Variants in KDM4B observed in about 807,000 individuals in gnomAD.
The protein encoded by KDM4B is lysine-specific demethylase 4B.
In KDM4B, 32 loss-of-function variants were observed where a neutral mutation model predicts 125.2. The ratio of observed to expected loss-of-function variants is 0.26; its 90% CI spans 0.19 to 0.34. The LOEUF (loss-of-function observed/expected upper bound fraction) is 0.34, where lower values mean the gene tolerates loss of function less well. Among genes scored for constraint, KDM4B ranks in the 10% least tolerant of loss-of-function variants. The probability of loss-of-function intolerance (pLI) is 1.00; values close to 1 mark genes in which losing one functional copy is unlikely to be tolerated. For synonymous variants in KDM4B, 721 were observed against 677.9 expected (o/e 1.06, Z -0.99); for missense variants, 1,190 against 1,577.7 (o/e 0.75, Z 4.16).
At chr19:5,137,841 A>G (rs767183947) in intron 17 of KDM4B, 121 bp from the exon 18 acceptor site, 204 of 1,048,980 alleles carry the variant, frequency 1.9e-4, no homozygotes, top group Non-Finnish European at 2.5e-4. Flanking sequence ...ATACGCCTGC[A>G]CCGACCTTCC....
chr19:5,031,548 T>TG (rs2036458717), intron 2 of KDM4B, among the ~76,000 whole-genome samples: 1 of 152,120 alleles, frequency 6.6e-6, no homozygotes, highest in African/African-American at 2.4e-5. Flanking sequence ...TCAAACCCAG[T>TG]GGGGGTCTCT....
intron 9 of KDM4B, among the ~76,000 whole-genome samples, chr19:5,103,866 C>A (rs1457393359): frequency 6.6e-6 from 1 of 152,252 alleles, no homozygotes; most frequent in Non-Finnish European, 1.5e-5. Flanking sequence ...CCCCACCCTG[C>A]CTTGGTCCTT....
chr19:5,068,408 C>T (rs954396253), intron 6 of KDM4B, among the ~76,000 whole-genome samples: 3 of 152,182 alleles, frequency 2.0e-5, no homozygotes, highest in Admixed American at 6.5e-5. Flanking sequence ...AAGCAGGCCC[C>T]GAGGCTACCT....
intron 21 of KDM4B, among the ~76,000 whole-genome samples, chr19:5,148,629 C>G (rs371993553): frequency 6.6e-6 from 1 of 152,144 alleles, no homozygotes; most frequent in East Asian, 1.9e-4. Context: ...AGTGGGAGCT[C>G]TAAAACCCGC....
chr19:5,042,548 A>C lies in KDM4B; in HGVS notation c.432+1297A>C, dbSNP rs551569856. Among the ~76,000 whole-genome samples the C allele has an allele frequency of 2.3e-3, 353 of 152,240 alleles. 1 individual carries two copies. The highest frequency in any genetic ancestry group is 0.01 in the Middle Eastern group (3 of 294). ...ACAAACACCTGAGACTGGGTAGTGA[A>C]TAAAGAAAAGGTTTAATTGGTTCAC... On this transcript the variant is annotated intron_variant, in intron 5 of 22. Coordinates refer to ENST00000159111, the MANE Select transcript of KDM4B (RefSeq NM_015015.3).
rs2039951897 is a variant in KDM4B, at chr19:5,151,693, AG to A, written c.*183del. 2.2e-6 allele frequency: 1 copy of A among 462,714 alleles called. No individual in the cohort carries two copies. Among genetic ancestry groups the A allele is most frequent in the Admixed American group, 4.4e-5 (1 of 22,654 alleles). 28.7% of individuals were successfully genotyped at this position (462,714 alleles called of 1,614,324 possible). A position where few individuals can be genotyped will look rare whatever the true frequency, so the allele number is the denominator to read the frequency against. ...GCCGCACGCGGCCCCAGACTCAGGG[AG>A]CAGGGCCAGGCGGGCTCGGGGGCCG... On this transcript the variant is annotated 3_prime_UTR_variant, in exon 23 of 23. Coordinates refer to ENST00000159111, the MANE Select transcript of KDM4B (RefSeq NM_015015.3).
Position 5,031,584 on chromosome 19 carries a change from A to G in KDM4B, c.-25-1282A>G, listed in dbSNP as rs140164170. The stretch of plus-strand genomic sequence containing the variant: ...CAGCAGCAGCCCAGCGCGGGGTGTG[A>G]CGTCAGGGCTGGGGCTCAGCGCTGG... On this transcript the variant is annotated intron_variant, in intron 2 of 22. Transcript: ENST00000159111. Among the ~76,000 whole-genome samples, 145 of 152,292 alleles carry G rather than the reference A, an allele frequency of 9.5e-4. 1 individual carries two copies. The highest frequency in any genetic ancestry group is 3.0e-3 in the African/African-American group (125 of 41,574).
intron 6 of KDM4B, among the ~76,000 whole-genome samples, chr19:5,048,209 C>T (rs929200848): frequency 1.3e-5 from 2 of 152,206 alleles, no homozygotes; most frequent in Non-Finnish European, 2.9e-5. Context: ...CCGGGTGCAG[C>T]GTGGGCGCTG....
At position 4,996,784 on chromosome 19, in the gene KDM4B, G is replaced by T. The variant is rs982191483; in HGVS notation, c.-108-19473G>T. Among the ~76,000 whole-genome samples the T allele has an allele frequency of 2.6e-5, 4 of 151,804 alleles. No individual in the cohort carries two copies. The South Asian group carries it at 8.3e-4, about 32-fold the overall frequency. On this transcript the variant is annotated intron_variant, in intron 1 of 22. Coordinates refer to ENST00000159111, the MANE Select transcript of KDM4B (RefSeq NM_015015.3). ...CTTTGCCTGCTTGTTGATTTGGTATGTTTTTTTTCTTGACTTAAAAACAAA... is the reference window on the plus strand; with the variant it reads ...CTTTGCCTGCTTGTTGATTTGGTATTTTTTTTTTCTTGACTTAAAAACAAA...
chr19:5,051,705 G>C (rs1306473896), intron 6 of KDM4B, among the ~76,000 whole-genome samples: 1 of 152,230 alleles, frequency 6.6e-6, no homozygotes, highest in Non-Finnish European at 1.5e-5. Flanking sequence ...AGCTCCGCTT[G>C]TCAGAAGGGG....
intron 4 of KDM4B, 30 bp from the exon 5 acceptor site, chr19:5,041,107 T>C: frequency 6.6e-7 from 1 of 1,509,968 alleles, no homozygotes; most frequent in Non-Finnish European, 9.2e-7. Flanking sequence ...GGCCTCACCC[T>C]GAGCTGGTTT....
chr19:5,130,924 C>A, intron 11 of KDM4B, 152 bp from the exon 12 acceptor site: 1 of 602,652 alleles, frequency 1.7e-6, no homozygotes, highest in East Asian at 2.8e-5. Flanking sequence ...TGGCCCGAAG[C>A]CTGTGTTCTC....
At chr19:5,068,302 T>C (rs1445122911) in intron 6 of KDM4B, among the ~76,000 whole-genome samples, 2 of 152,152 alleles carry the variant, frequency 1.3e-5, no homozygotes, top group East Asian at 3.9e-4. Context: ...GTGCATCTGC[T>C]TCAGTCCGCC....
chr19:5,114,574 C>A lies in KDM4B; in HGVS notation c.1115+3756C>A. ...AGCCTCAGGGACTCACTTGCTGTCT[C>A]CTGTCTCTTTCCTAGAGCTGCCCTT... On this transcript the variant is annotated intron_variant, in intron 10 of 22. Transcript: ENST00000159111. The surrounding 1 kb of genome is among the most constrained non-coding windows in gnomAD (Gnocchi z 5.8). 1 of 337,152 alleles carries A rather than the reference C, an allele frequency of 3.0e-6. No individual in the cohort carries two copies. Among genetic ancestry groups the A allele is most frequent in the Non-Finnish European group, 5.9e-6 (1 of 169,920 alleles). The allele number at this position is 337,152 out of a possible 1,614,324, so 20.9% of individuals were successfully genotyped here. A position where few individuals can be genotyped will look rare whatever the true frequency, so the allele number is the denominator to read the frequency against.
chr19:5,032,599 G>T (rs1027596334), intron 2 of KDM4B, among the ~76,000 whole-genome samples: 1 of 152,200 alleles, frequency 6.6e-6, no homozygotes, highest in Non-Finnish European at 1.5e-5. Flanking sequence ...TAAAATTAGC[G>T]CACTGGCTCC....
chr19:5,109,359 G>A (rs1388373581), intron 9 of KDM4B, among the ~76,000 whole-genome samples: 1 of 152,184 alleles, frequency 6.6e-6, no homozygotes, highest in Non-Finnish European at 1.5e-5. Flanking sequence ...GGCTTCTCTG[G>A]CCCCAAGTCC....
chr19:5,067,984 G>T (rs1167521603), intron 6 of KDM4B, among the ~76,000 whole-genome samples: 1 of 152,166 alleles, frequency 6.6e-6, no homozygotes, highest in Non-Finnish European at 1.5e-5. Context: ...CAATAAACCT[G>T]ACTTGGTTTT....
At chr19:4,994,205 C>T (rs181542123) in intron 1 of KDM4B, among the ~76,000 whole-genome samples, 204 of 151,464 alleles carry the variant, frequency 1.3e-3, no homozygotes, top group African/African-American at 4.6e-3. Flanking sequence ...CTAGGCCTCC[C>T]GAAGTGTTGG....
rs2036502781 is a variant in KDM4B at position 5,032,872 on chromosome 19, T to C, written c.-19T>C. 2 of 1,613,306 alleles carry C rather than the reference T, an allele frequency of 1.2e-6. No homozygotes were observed. The highest frequency in any genetic ancestry group is 1.1e-5 in the South Asian group (1 of 91,048). The stretch of plus-strand genomic sequence containing the variant: ...CTCTCGTCTTCCTCCACAGGTGTGC[T>C]TCCCGCACAGCTGCAGCCATGGGGT... On this transcript the variant is annotated 5_prime_UTR_variant, in exon 3 of 23. Transcript: ENST00000159111.
Sources: allele counts gnomAD v4.1 joint callset (sites outside exome capture counted in the v4.1 genomes callset), GRCh38; gene constraint gnomAD v4.1.1; non-coding constraint Gnocchi (gnomAD v3.1); transcripts MANE v1.5; gene names NCBI Gene and HGNC (gene_info 2026-07-23, HGNC 2026-07-21).